The following BSPRY variants were observed in gnomAD, a reference collection of about 807,000 sequenced individuals.
The protein encoded by BSPRY is B box and SPRY domain-containing protein.
BSPRY carries 33 observed loss-of-function variants against 38.0 expected under a neutral mutation model. The observed-to-expected ratio is 0.87, with a 90% CI of 0.66 to 1.16. The LOEUF (loss-of-function observed/expected upper bound fraction) is 1.16. Ranked by LOEUF, BSPRY falls within the 50% of genes most tolerant of loss-of-function variation. The pLI is 0.00. For missense variants in BSPRY, 523 were observed against 533.2 expected (o/e 0.98, Z 0.19); for synonymous variants, 224 against 228.5 (o/e 0.98, Z 0.18).
chr9:113,369,923 T>G lies in BSPRY; in HGVS notation c.990T>G (p.Tyr330Ter), dbSNP rs1564347938. 8 of 1,614,214 alleles carry G rather than the reference T, an allele frequency of 5.0e-6. No homozygotes were observed. The highest frequency in any genetic ancestry group is 5.9e-6 in the Non-Finnish European group (7 of 1,180,036). Residue 330 changes from tyrosine to a stop codon, truncating the protein, a stop_gained, in exon 6 of 6, where the codon TAT becomes TAG. Transcript: ENST00000374183. LOFTEE classifies it high-confidence loss of function. The part of the protein sequence containing the change: ...HNAFSWVFSR[Y>*]DQEFRFSHNG... ...CCTTCTCCTGGGTCTTCTCTCGCTA[T>G]GATCAGGAGTTTCGTTTCTCACACA...
intron 1 of BSPRY, among the ~76,000 whole-genome samples, chr9:113,350,670 G>A (rs994260827): frequency 5.3e-5 from 8 of 152,138 alleles, no homozygotes; most frequent in African/African-American, 1.9e-4. Flanking sequence ...TGAGGGCTCT[G>A]GCTGGGGACT....
chr9:113,360,389 G>A, intron 2 of BSPRY, 118 bp from the exon 3 acceptor site: 17 of 913,420 alleles, frequency 1.9e-5, no homozygotes, highest in Non-Finnish European at 1.0e-5. Context: ...CCATTACTAA[G>A]CCCGTGGCAG....
chr9:113,349,688 C>G lies in BSPRY; in HGVS notation c.109C>G (p.Arg37Gly). Residue 37 changes from arginine to glycine, a missense_variant, in exon 1 of 6, where the codon CGA (arginine) becomes GGA (glycine). Arg to Gly is a moderately radical substitution (Grantham distance 125, BLOSUM62 -2). Transcript: ENST00000374183. ...QALSWFCGSE[R>G]RPVCAACAGL... ...TCTGAGCTGGTTCTGCGGCTCCGAG[C>G]GACGGCCCGTGTGCGCCGCCTGCGC... 8.1e-7 allele frequency: 1 copy of G among 1,239,050 alleles called. No homozygotes were observed. The highest frequency in any genetic ancestry group is 1.0e-6 in the Non-Finnish European group (1 of 991,406). The allele number at this position is 1,239,050 out of a possible 1,614,324, so 76.8% of individuals were successfully genotyped here.
intron 4 of BSPRY, 100 bp downstream of exon 4, chr9:113,362,494 A>T: frequency 1.5e-6 from 2 of 1,312,646 alleles, no homozygotes; most frequent in Non-Finnish European, 2.2e-6. Context: ...GAGAATGCAC[A>T]GGGTGTGCAG....
intron 2 of BSPRY, among the ~76,000 whole-genome samples, chr9:113,359,522 T>G (rs1169373933): frequency 2.0e-5 from 3 of 152,232 alleles, no homozygotes; most frequent in East Asian, 3.8e-4. Flanking sequence ...TGTCCCTGAC[T>G]TTCTGACATG....
intron 4 of BSPRY, among the ~76,000 whole-genome samples, chr9:113,366,263 A>T (rs1329565774): frequency 6.6e-6 from 1 of 152,226 alleles, no homozygotes; most frequent in Non-Finnish European, 1.5e-5. Context: ...TTGTCCGAGC[A>T]TTGCTAAGCC....
At position 113,362,152 on chromosome 9, in the gene BSPRY, T is replaced by C. The variant is rs1275363387; in HGVS notation, c.532-217T>C. On this transcript the variant is annotated intron_variant, in intron 3 of 5. Coordinates refer to ENST00000374183, the MANE Select transcript of BSPRY (RefSeq NM_017688.3). ...TGCCCTGGGACATGGGGTAGAGTGA[T>C]TCATTCTGAGCATGTGTTATGGGTG... Among the ~76,000 whole-genome samples, 14 of 150,672 alleles carry C rather than the reference T, an allele frequency of 9.3e-5. No homozygotes were observed. The Admixed American group carries it at 9.3e-4, about 10-fold the overall frequency.
At chr9:113,351,643 G>A (rs60969910) in intron 1 of BSPRY, among the ~76,000 whole-genome samples, 8,991 of 152,198 alleles carry the variant, frequency 0.059, 824 homozygotes, top group African/African-American at 0.2. Flanking sequence ...CTCTTAGGGG[G>A]AACAGTGGAG....
At chr9:113,349,848 AG>A in intron 1 of BSPRY, 68 bp downstream of exon 1, 2 of 1,204,252 alleles carry the variant, frequency 1.7e-6, no homozygotes, top group Non-Finnish European at 2.1e-6. Flanking sequence ...GGGACCCGGC[AG>A]GGACTGGGGA....
At position 113,360,524 on chromosome 9, in the gene BSPRY, G is replaced by A. The variant is rs777695975; in HGVS notation, c.318G>A (p.Ala106=). 13 of 1,600,250 alleles carry A rather than the reference G, an allele frequency of 8.1e-6. No homozygotes were observed. Among genetic ancestry groups the A allele is most frequent in the Middle Eastern group, 2.1e-4 (1 of 4,822 alleles). The part of the protein sequence containing the change: ...NQRAVSMASA[A]RELVIQRLSL... The stretch of plus-strand genomic sequence containing the variant: ...CTCATTAGAGCATGGCCAGTGCAGC[G>A]AGGGAACTGGTTATCCAGCGGTTGA... The change falls in exon 3 of 6, where the codon GCG becomes GCA. Residue 106 remains alanine, a synonymous_variant. Transcript: ENST00000374183.
intron 4 of BSPRY, among the ~76,000 whole-genome samples, chr9:113,366,953 T>C (rs1481712504): frequency 2.0e-5 from 3 of 152,126 alleles, no homozygotes; most frequent in African/African-American, 7.2e-5. Context: ...CACTGCCTGA[T>C]CTCAACGCCA....
In BSPRY at chr9:113,349,636, G is replaced by T. The variant is rs998725867; in HGVS notation, c.57G>T (p.Gly19=). Residue 19 remains glycine (G), a synonymous_variant, in exon 1 of 6, where the codon GGG becomes GGT. Transcript: ENST00000374183. The part of the protein sequence containing the change: ...GPGSGSGPGP[G]PLCPEHGQAL... ...GGTCCGGGTCCGGGCCCGGGCCGGG[G>T]CCACTCTGCCCCGAACACGGCCAGG... 2.0e-4 allele frequency: 242 copies of T among 1,216,522 alleles called. No individual in the cohort carries two copies. Among genetic ancestry groups the T allele is most frequent in the Admixed American group, 5.6e-4 (13 of 23,416 alleles). The allele number at this position is 1,216,522 out of a possible 1,614,324, so 75.4% of individuals were successfully genotyped here.
At position 113,369,613 on chromosome 9, in the gene BSPRY, C is replaced by A; in HGVS notation, c.683-3C>A. ...CGGCAACTCTGAGAATTCTTTCTGG[C>A]AGGCACAGAGGACATACGGATCGAT... On this transcript the variant is annotated splice_region_variant and splice_polypyrimidine_tract_variant and intron_variant, in intron 5 of 5. Coordinates refer to ENST00000374183, the MANE Select transcript of BSPRY (RefSeq NM_017688.3). 1 of 1,596,974 alleles carries A rather than the reference C, an allele frequency of 6.3e-7. No individual in the cohort carries two copies. The highest frequency in any genetic ancestry group is 1.1e-5 in the South Asian group (1 of 89,050).
chr9:113,354,112 A>T, intron 1 of BSPRY, 128 bp from the exon 2 acceptor site: 1 of 689,362 alleles, frequency 1.5e-6, no homozygotes, highest in Admixed American at 2.4e-5. Flanking sequence ...GTTTTTGATA[A>T]TGATGAGATC....
At chr9:113,351,677 A>G (rs1833973879) in intron 1 of BSPRY, among the ~76,000 whole-genome samples, 1 of 152,218 alleles carries the variant, frequency 6.6e-6, no homozygotes, top group Non-Finnish European at 1.5e-5. Flanking sequence ...GATAGGCTCT[A>G]GGTATCACCT....
Position 113,357,079 on chromosome 9 carries a change from G to A in BSPRY, c.300+2741G>A, listed in dbSNP as rs1834072635. Among the ~76,000 whole-genome samples, 3 of 152,140 alleles carry A rather than the reference G, an allele frequency of 2.0e-5. No individual in the cohort carries two copies. The South Asian group carries it at 6.2e-4, about 31-fold the overall frequency. ...ATGAGTGTAGACACGAAAGAGCAGC[G>A]GTCCAAAGACTGAGCCCTAGGGCAC... On this transcript the variant is annotated intron_variant, in intron 2 of 5. Transcript: ENST00000374183.
intron 4 of BSPRY, among the ~76,000 whole-genome samples, chr9:113,364,213 G>A (rs1223617171): frequency 6.6e-6 from 1 of 152,064 alleles, no homozygotes; most frequent in Admixed American, 6.6e-5. Context: ...TCAAAACACA[G>A]ATAGGATCAT....
intron 2 of BSPRY, among the ~76,000 whole-genome samples, chr9:113,358,650 C>T (rs900931604): frequency 2.0e-5 from 3 of 152,172 alleles, no homozygotes; most frequent in Non-Finnish European, 4.4e-5. Context: ...GGTTTGTCTA[C>T]TCTCTGTCAT....
chr9:113,365,606 T>G (rs1588068098), intron 4 of BSPRY, among the ~76,000 whole-genome samples: 1 of 152,242 alleles, frequency 6.6e-6, no homozygotes, highest in East Asian at 1.9e-4. Flanking sequence ...GGCACCTGGT[T>G]GTTTTTAGTG....
Sources: allele counts gnomAD v4.1 joint callset (sites outside exome capture counted in the v4.1 genomes callset), GRCh38; gene constraint gnomAD v4.1.1; transcripts MANE v1.5; gene names NCBI Gene and HGNC (gene_info 2026-07-23, HGNC 2026-07-21).